EPHA5: variants seen among roughly 807,000 people sequenced by gnomAD.
EPHA5 encodes the protein EPH receptor A5.
Under a neutral mutation model 105.0 loss-of-function variants are expected in EPHA5, and 60 were observed. The ratio of observed to expected loss-of-function variants is 0.57; its 90% CI spans 0.46 to 0.71. The LOEUF (loss-of-function observed/expected upper bound fraction) is 0.71. Among genes scored for constraint, EPHA5 ranks in the 30% least tolerant of loss-of-function variants. The pLI, the probability that EPHA5 is intolerant of heterozygous loss-of-function variation, is 0.00. For missense variants in EPHA5, 1,218 were observed against 1,274.7 expected (o/e 0.96, Z 0.68); for synonymous variants, 513 against 449.1 (o/e 1.14, Z -1.80).
chr4:65,576,706 C>A (rs1239327955), intron 3 of EPHA5, among the ~76,000 whole-genome samples: 1 of 152,186 alleles, frequency 6.6e-6, no homozygotes, highest in Non-Finnish European at 1.5e-5. Flanking sequence ...CTAAGAGTTT[C>A]TGTTACCTAT....
At chr4:65,345,316 G>C (rs1277824012) in intron 14 of EPHA5, among the ~76,000 whole-genome samples, 1 of 152,200 alleles carries the variant, frequency 6.6e-6, no homozygotes, top group Non-Finnish European at 1.5e-5. Context: ...GTCATCCGGT[G>C]TGCTTGCTGA....
rs748635785 is a variant in EPHA5, at chr4:65,484,423, G to A, written c.1402+5954C>T. 3.7e-4 allele frequency among the ~76,000 whole-genome samples: 57 copies of A among 152,114 alleles called. 1 individual carries two copies. The highest frequency in any genetic ancestry group is 6.5e-4 in the Non-Finnish European group (44 of 68,004). On this transcript the variant is annotated intron_variant, in intron 5 of 16. Coordinates refer to ENST00000613740, the MANE Select transcript of EPHA5 (RefSeq NM_001281766.3). ...GCAAGAACTAAGAAATAAAACCCATGAAAGTATAGGTAACACCTACCTTGG... is the reference window on the plus strand; with the variant it reads ...GCAAGAACTAAGAAATAAAACCCATAAAAGTATAGGTAACACCTACCTTGG...
chr4:65,477,989 TA>T (rs1264635362), intron 5 of EPHA5, among the ~76,000 whole-genome samples: 2 of 152,166 alleles, frequency 1.3e-5, no homozygotes, highest in East Asian at 3.9e-4. Context: ...TGATGACTTC[TA>T]AAAATATTCT....
intron 5 of EPHA5, among the ~76,000 whole-genome samples, chr4:65,438,454 T>A (rs1457610333): frequency 1.3e-5 from 2 of 151,792 alleles, no homozygotes; most frequent in East Asian, 3.9e-4. Context: ...ATATATACAT[T>A]CATGTATAAA....
At chr4:65,330,501 G>A (rs1262180716) in intron 16 of EPHA5, 1 of 331,058 alleles carries the variant, frequency 3.0e-6, no homozygotes, top group African/African-American at 2.2e-5. Context: ...AAGCAAAAAT[G>A]TAGTAGATGT....
At chr4:65,468,009 A>G (rs929605494) in intron 5 of EPHA5, among the ~76,000 whole-genome samples, 1 of 152,196 alleles carries the variant, frequency 6.6e-6, no homozygotes, top group East Asian at 1.9e-4. Flanking sequence ...CCGAAGAGAA[A>G]CACAGTCCTG....
intron 3 of EPHA5, among the ~76,000 whole-genome samples, chr4:65,520,776 G>A (rs988497902): frequency 6.6e-6 from 1 of 152,160 alleles, no homozygotes; most frequent in African/African-American, 2.4e-5. Context: ...ATGAAAAAAT[G>A]CTCATCATCA....
chr4:65,412,018 C>T (rs1413712308), intron 7 of EPHA5, among the ~76,000 whole-genome samples: 1 of 152,130 alleles, frequency 6.6e-6, no homozygotes, highest in African/African-American at 2.4e-5. Context: ...CACCTAGGGT[C>T]GGGAGTTTGA....
chr4:65,425,028 G>T (rs1224514165), intron 5 of EPHA5, among the ~76,000 whole-genome samples: 2 of 151,676 alleles, frequency 1.3e-5, no homozygotes, highest in Non-Finnish European at 2.9e-5. Context: ...ATCAAGTATT[G>T]GTTACTTGTA....
intron 1 of EPHA5, among the ~76,000 whole-genome samples, chr4:65,651,592 A>G (rs1488039555): frequency 2.0e-5 from 3 of 152,190 alleles, no homozygotes; most frequent in Admixed American, 2.0e-4. Flanking sequence ...TTAGCTTAAT[A>G]TTATGCTTAA....
At chr4:65,381,194 C>A (rs1025068645) in intron 8 of EPHA5, among the ~76,000 whole-genome samples, 1 of 151,524 alleles carries the variant, frequency 6.6e-6, no homozygotes, top group African/African-American at 2.4e-5. Flanking sequence ...TAAGGCTGAG[C>A]ATAGCTTTTA....
chr4:65,334,608 C>A (rs971764130), intron 15 of EPHA5, among the ~76,000 whole-genome samples: 1 of 151,852 alleles, frequency 6.6e-6, no homozygotes, highest in South Asian at 2.1e-4. Context: ...TTTCTAGAGT[C>A]AGGATATGCA....
At position 65,397,473 on chromosome 4, in the gene EPHA5, A is replaced by G. The variant is rs191829536; in HGVS notation, c.1793+6901T>C. On this transcript the variant is annotated intron_variant, in intron 8 of 16. Transcript: ENST00000613740. ...CTCCTTAATCCTGAACTCCCAAGGG[A>G]TTATCTACCCCCTCAAAAGAGTTAT... 1.2e-3 allele frequency among the ~76,000 whole-genome samples: 178 copies of G among 152,234 alleles called. 2 individuals carry two copies. The South Asian group carries it at 0.02, about 17-fold the overall frequency.
intron 5 of EPHA5, among the ~76,000 whole-genome samples, chr4:65,422,850 A>C (rs1209352830): frequency 1.3e-5 from 2 of 152,080 alleles, no homozygotes; most frequent in Non-Finnish European, 1.5e-5. Flanking sequence ...GCATTCCCAC[A>C]TACCTTACAT....
intron 6 of EPHA5, among the ~76,000 whole-genome samples, chr4:65,416,679 T>C (rs35801440): frequency 0.064 from 9,806 of 152,196 alleles, 637 homozygotes; most frequent in African/African-American, 0.17. Flanking sequence ...GAACATTCTG[T>C]CTGATTTAAC....
intron 8 of EPHA5, among the ~76,000 whole-genome samples, chr4:65,385,922 T>C (rs1720036308): frequency 6.6e-6 from 1 of 151,822 alleles, no homozygotes; most frequent in Non-Finnish European, 1.5e-5. Context: ...AGAGCCAACA[T>C]AGACAAAATA....
chr4:65,633,078 G>A lies in EPHA5; in HGVS notation c.246+10285C>T, dbSNP rs143835071. Among the ~76,000 whole-genome samples, 76 of 152,056 alleles carry A rather than the reference G, an allele frequency of 5.0e-4. No homozygotes were observed. The East Asian group carries it at 9.3e-3, about 19-fold the overall frequency. On this transcript the variant is annotated intron_variant, in intron 2 of 16. Coordinates refer to ENST00000613740, the MANE Select transcript of EPHA5 (RefSeq NM_001281766.3). ...AATTTCAGGTTGAGCAGTTTGGGAC[G>A]TCATTTTCTCCATTAGTGCAAGCAC... is the stretch of plus-strand genomic sequence containing the variant.
chr4:65,481,766 C>A (rs1196744419), intron 5 of EPHA5, among the ~76,000 whole-genome samples: 1 of 152,026 alleles, frequency 6.6e-6, no homozygotes, highest in Non-Finnish European at 1.5e-5. Flanking sequence ...GATATAGAAC[C>A]AAGAAAGGAT....
intron 2 of EPHA5, among the ~76,000 whole-genome samples, chr4:65,638,907 T>C (rs550641559): frequency 6.6e-6 from 1 of 152,330 alleles, no homozygotes; most frequent in African/African-American, 2.4e-5. Context: ...CACTTACTGA[T>C]TCAAATTATA....
Sources: allele counts gnomAD v4.1 joint callset (sites outside exome capture counted in the v4.1 genomes callset), GRCh38; gene constraint gnomAD v4.1.1; transcripts MANE v1.5; gene names NCBI Gene and HGNC (gene_info 2026-07-23, HGNC 2026-07-21).